The following DCP2 variants were observed in gnomAD, a reference collection of about 807,000 sequenced individuals.
The protein encoded by DCP2 is m7GpppN-mRNA hydrolase.
In DCP2, 30 loss-of-function variants were observed where a neutral mutation model predicts 56.1. That is an observed-to-expected ratio of 0.53 (90% CI 0.40 to 0.73). DCP2 has a LOEUF of 0.73. Among genes scored for constraint, DCP2 ranks in the 30% least tolerant of loss-of-function variants. The pLI is 0.00. For missense variants in DCP2, 533 were observed against 502.7 expected, an observed-to-expected ratio of 1.06 and a Z score of -0.58; for synonymous variants, 197 against 163.3, an observed-to-expected ratio of 1.21 and a Z score of -1.57.
In DCP2 at chr5:113,018,178, C is replaced by G. The variant is rs973214464; in HGVS notation, c.*4694C>G. 2.0e-5 allele frequency: 3 copies of G among 152,154 alleles called. No homozygotes were observed. In the East Asian group the frequency reaches 5.8e-4, roughly 29 times the overall value. The allele number at this position is 152,154 out of a possible 1,614,324, so 9.4% of individuals were successfully genotyped here. On this transcript the variant is annotated 3_prime_UTR_variant, in exon 11 of 11. Coordinates refer to ENST00000389063, the MANE Select transcript of DCP2 (RefSeq NM_152624.6). ...AAATAGCATTTACTATTGAAATAGT[C>G]TTAAAATAGGGAAAAGAGTGAAAGT...
chr5:113,009,134 C>T (rs142079760), intron 9 of DCP2, among the ~76,000 whole-genome samples: 2,859 of 152,224 alleles, frequency 0.019, 72 homozygotes, highest in African/African-American at 0.06. Context: ...CGTGAGCCAC[C>T]GCTCCCGGCC....
chr5:113,000,061 CAAAAAAAA>C (rs60251393), intron 4 of DCP2, among the ~76,000 whole-genome samples: 2 of 89,956 alleles, frequency 2.2e-5, no homozygotes, highest in African/African-American at 8.7e-5. Context: ...AACTCCATCT[CAAAAAAAA>C]AAAAAAAAAA....
At chr5:113,002,564 C>G (rs548994391) in intron 7 of DCP2, among the ~76,000 whole-genome samples, 1 of 152,070 alleles carries the variant, frequency 6.6e-6, no homozygotes, top group African/African-American at 2.4e-5. Context: ...CTCTGTTGCC[C>G]AGGCTGGAGT....
Position 113,013,626 on chromosome 5 carries a change from G to C in DCP2, c.*142G>C. ...CTGAAGACATTTTCTGTTTATAAGA[G>C]AGTAGAAAGAAACACGAGTTTGCAC... is the stretch of plus-strand genomic sequence containing the variant. On this transcript the variant is annotated 3_prime_UTR_variant, in exon 11 of 11. Coordinates refer to ENST00000389063, the MANE Select transcript of DCP2 (RefSeq NM_152624.6). 1 of 1,009,446 alleles carries C rather than the reference G, an allele frequency of 9.9e-7. No homozygotes were observed. Among genetic ancestry groups the C allele is most frequent in the Non-Finnish European group, 1.4e-6 (1 of 693,604 alleles). 62.5% of individuals were successfully genotyped at this position (1,009,446 alleles called of 1,614,324 possible).
chr5:112,988,933 C>T (rs1465078392), intron 2 of DCP2, among the ~76,000 whole-genome samples: 1 of 152,178 alleles, frequency 6.6e-6, no homozygotes, highest in Non-Finnish European at 1.5e-5. Flanking sequence ...TACACTTTGC[C>T]TGCTATTACA....
intron 4 of DCP2, among the ~76,000 whole-genome samples, chr5:112,999,297 A>G (rs983688039): frequency 3.9e-5 from 6 of 152,218 alleles, no homozygotes; most frequent in Non-Finnish European, 8.8e-5. Flanking sequence ...TAGAATTAAG[A>G]AACATATAAA....
At chr5:112,999,676 G>GA (rs1173071470) in intron 4 of DCP2, among the ~76,000 whole-genome samples, 1 of 150,754 alleles carries the variant, frequency 6.6e-6, no homozygotes, top group Non-Finnish European at 1.5e-5. Flanking sequence ...ATCTAGACTG[G>GA]AGTGCACTGG....
In DCP2 at chr5:113,008,039, G is replaced by T; in HGVS notation, c.1044G>T (p.Leu348Phe). ...GLQPAKQQNS[L>F]MKCEKKLHPR... ...AGCCAGCAAAGCAGCAGAATTCTTT[G>T]ATGGTAAGAGTTATAGCTGTCACAC... The change falls in exon 9 of 11, where the codon TTG (leucine) becomes TTT (phenylalanine). Residue 348 changes from leucine (L) to phenylalanine (F), a missense_variant. By Grantham distance (22) the Leu-to-Phe change is conservative. This residue lies in a region of DCP2 where 392 missense variants were observed against 346.6 expected (regional missense o/e 1.13). Transcript: ENST00000389063. The T allele has an allele frequency of 6.2e-7, 1 of 1,613,358 alleles. No individual in the cohort carries two copies. The highest frequency in any genetic ancestry group is 2.2e-5 in the East Asian group (1 of 44,860).
In DCP2 at chr5:112,984,623, T is replaced by TA. The variant is rs2150169493; in HGVS notation, c.54-1207dup. The TA allele has an allele frequency of 1.3e-5, 2 of 149,378 alleles. 1 individual carries two copies. The highest frequency in any genetic ancestry group is 4.2e-4 in the South Asian group (2 of 4,738). The allele number at this position is 149,378 out of a possible 1,614,324, so 9.3% of individuals were successfully genotyped here. The stretch of plus-strand genomic sequence containing the variant: ...CTTGTGTCTCCCAAATTGCAATCTC[T>TA]AAAAACCTGATTAAAATGCCTTTTG... On this transcript the variant is annotated intron_variant, in intron 1 of 10. Coordinates refer to ENST00000389063, the MANE Select transcript of DCP2 (RefSeq NM_152624.6).
chr5:113,013,644 G>C lies in DCP2; in HGVS notation c.*160G>C. 1 of 803,484 alleles carries C rather than the reference G, an allele frequency of 1.2e-6. No individual in the cohort carries two copies. Among genetic ancestry groups the C allele is most frequent in the Admixed American group, 2.6e-5 (1 of 37,884 alleles). The allele number at this position is 803,484 out of a possible 1,614,324, so 49.8% of individuals were successfully genotyped here. The stretch of plus-strand genomic sequence containing the variant: ...TATAAGAGAGTAGAAAGAAACACGA[G>C]TTTGCACTGTAAATGCAGTTATAAC... On this transcript the variant is annotated 3_prime_UTR_variant, in exon 11 of 11. Transcript: ENST00000389063.
chr5:113,006,914 C>T (rs908976524), intron 8 of DCP2, among the ~76,000 whole-genome samples: 1 of 152,082 alleles, frequency 6.6e-6, no homozygotes, highest in East Asian at 1.9e-4. Flanking sequence ...GGGTGGATCA[C>T]TTGAGGTCAG....
chr5:113,020,485 G>A lies in DCP2; in HGVS notation c.*7001G>A, dbSNP rs560027734. 1 of 152,192 alleles carries A rather than the reference G, an allele frequency of 6.6e-6. No homozygotes were observed. The highest frequency in any genetic ancestry group is 2.1e-4 in the South Asian group (1 of 4,826). 9.4% of individuals were successfully genotyped at this position (152,192 alleles called of 1,614,324 possible). On this transcript the variant is annotated 3_prime_UTR_variant, in exon 11 of 11. Coordinates refer to ENST00000389063, the MANE Select transcript of DCP2 (RefSeq NM_152624.6). ...GAAAAGGAACCCCAAAACACCTGTA[G>A]TGTTCACCTTGTTATAAGAACAGAA...
chr5:112,992,037 T>G lies in DCP2; in HGVS notation c.206-84T>G. On this transcript the variant is annotated intron_variant, in intron 2 of 10. Transcript: ENST00000389063. ...TTGAATAATTTCACATGAAATACACTATTGATTTAAATGGGTCTCTTTCTG... is the reference window on the plus strand; with the variant it reads ...TTGAATAATTTCACATGAAATACACGATTGATTTAAATGGGTCTCTTTCTG... The G allele has an allele frequency of 3.9e-6, 6 of 1,540,740 alleles. No homozygotes were observed. In the South Asian group the frequency reaches 7.2e-5, roughly 19 times the overall value.
intron 9 of DCP2, 76 bp downstream of exon 9, chr5:113,008,118 G>T: frequency 8.3e-7 from 1 of 1,206,960 alleles, no homozygotes; most frequent in Non-Finnish European, 1.2e-6. Flanking sequence ...CCAAAGCACA[G>T]GAATGTTACT....
In DCP2 at chr5:112,989,476, A is replaced by T. The variant is rs79535240; in HGVS notation, c.206-2645A>T. Among the ~76,000 whole-genome samples the T allele has an allele frequency of 9.8e-3, 1,492 of 152,232 alleles. 34 individuals are homozygous for T. Among genetic ancestry groups the T allele is most frequent in the African/African-American group, 0.034 (1,404 of 41,538 alleles). On this transcript the variant is annotated intron_variant, in intron 2 of 10. Transcript: ENST00000389063. ...GCTAAATAGAAGCCTTCTCTGAGAT[A>T]GTGATTTATGTGAGGAAAATCGGAG...
At position 112,985,932 on chromosome 5, in the gene DCP2, A is replaced by C. The variant is rs1306483681; in HGVS notation, c.151A>C (p.Met51Leu). ...CCATTGGTTTTACTTGGATTTCTAC[A>C]TGCAGAACACACCAGGATTACCTCA... ...LAHWFYLDFY[M>L]QNTPGLPQCG... The change falls in exon 2 of 11, where the codon ATG becomes CTG. Residue 51 changes from methionine (M) to leucine (L), a missense_variant. Transcript: ENST00000389063. 14 of 1,606,398 alleles carry C rather than the reference A, an allele frequency of 8.7e-6. No homozygotes were observed. Among genetic ancestry groups the C allele is most frequent in the African/African-American group, 1.3e-5 (1 of 74,984 alleles).
intron 4 of DCP2, 61 bp from the exon 5 acceptor site, chr5:113,001,023 T>G: frequency 2.0e-6 from 3 of 1,472,766 alleles, no homozygotes; most frequent in Middle Eastern, 5.0e-4. Flanking sequence ...GGGAATAAAT[T>G]TTAATGAACT....
rs969396588 is a variant in DCP2, at chr5:113,020,057, T to A, written c.*6573T>A. On this transcript the variant is annotated 3_prime_UTR_variant, in exon 11 of 11. Coordinates refer to ENST00000389063, the MANE Select transcript of DCP2 (RefSeq NM_152624.6). Reference sequence around the variant, plus strand: ...AAAGATGTTAATGGAGGATACATAGTCTTAAAACAATTTGTTTGGGAGTAA... The same window carrying A: ...AAAGATGTTAATGGAGGATACATAGACTTAAAACAATTTGTTTGGGAGTAA... The A allele has an allele frequency of 6.6e-6, 1 of 152,356 alleles. No homozygotes were observed. Among genetic ancestry groups the A allele is most frequent in the Middle Eastern group, 3.4e-3 (1 of 294 alleles). The allele number at this position is 152,356 out of a possible 1,614,324, so 9.4% of individuals were successfully genotyped here.
At position 113,007,978 on chromosome 5, in the gene DCP2, A is replaced by G; in HGVS notation, c.983A>G (p.Asp328Gly). ...GGAAATGGCAGAAAACAGTATCAAG[A>G]TTCACCTAATCAAAAGAAAAGAACA... ...MRGNGRKQYQ[D>G]SPNQKKRTNG... Residue 328 changes from aspartate (D) to glycine (G), a missense_variant, in exon 9 of 11, where the codon GAT (aspartate) becomes GGT (glycine). This residue lies in a region of DCP2 where 392 missense variants were observed against 346.6 expected (regional missense o/e 1.13). Transcript: ENST00000389063. 4 of 1,614,060 alleles carry G rather than the reference A, an allele frequency of 2.5e-6. No homozygotes were observed. Among genetic ancestry groups the G allele is most frequent in the Non-Finnish European group, 2.5e-6 (3 of 1,179,950 alleles).
Sources: allele counts gnomAD v4.1 joint callset (sites outside exome capture counted in the v4.1 genomes callset), GRCh38; gene constraint gnomAD v4.1.1; regional missense constraint gnomAD v4.1.1; transcripts MANE v1.5; gene names NCBI Gene and HGNC (gene_info 2026-07-23, HGNC 2026-07-21).